Variants in ACTN1 observed in about 807,000 individuals in gnomAD.
ACTN1 encodes the protein actinin alpha 1, also known as alpha-actinin-1.
A neutral mutation model predicts 119.6 loss-of-function variants in ACTN1; 30 were observed. That is an observed-to-expected ratio of 0.25 (90% CI 0.19 to 0.34). ACTN1 has a LOEUF of 0.34. Among genes scored for constraint, ACTN1 ranks in the 10% least tolerant of loss-of-function variants. The pLI is 1.00. For missense variants in ACTN1, 764 were observed against 1,223.4 expected, an observed-to-expected ratio of 0.62 and a Z score of 5.60; for synonymous variants, 429 against 472.6, an observed-to-expected ratio of 0.91 and a Z score of 1.20.
intron 8 of ACTN1, among the ~76,000 whole-genome samples, chr14:68,897,276 G>A (rs1026114832): frequency 1.6e-4 from 24 of 152,126 alleles, no homozygotes; most frequent in Non-Finnish European, 2.1e-4. Flanking sequence ...GAGCCTCTGC[G>A]CCCAACCTGA....
Position 68,874,893 on chromosome 14 carries a change from A to T in ACTN1, c.2711T>A (p.Phe904Tyr), listed in dbSNP as rs1173609367. Residue 904 changes from phenylalanine (F) to tyrosine (Y), a missense_variant, in exon 22 of 22, where the codon TTC becomes TAC. By Grantham distance (22) the Phe-to-Tyr change is conservative (BLOSUM62 3). Around this residue, in one of 4 missense-constraint regions of ACTN1, gnomAD observed 102 missense variants for 78.2 expected, o/e 1.30. Transcript: ENST00000394419. The part of the protein sequence containing the change: ...SVPGALDYMS[F>Y]STALYGESDL ...ACTCTCGCCGTACAGCGCCGTGGAGAAGGACATGTAGTCCAGAGCACCTGG... is the reference window on the plus strand; with the variant it reads ...ACTCTCGCCGTACAGCGCCGTGGAGTAGGACATGTAGTCCAGAGCACCTGG... The T allele has an allele frequency of 4.4e-6, 7 of 1,604,000 alleles. No homozygotes were observed. Among genetic ancestry groups the T allele is most frequent in the Non-Finnish European group, 6.0e-6 (7 of 1,172,002 alleles).
At chr14:68,907,432 C>T (rs943804138) in intron 6 of ACTN1, among the ~76,000 whole-genome samples, 7 of 142,038 alleles carry the variant, frequency 4.9e-5, no homozygotes, top group African/African-American at 1.6e-4. Context: ...GGCGTGCTGG[C>T]GTGCGCCTGT....
intron 1 of ACTN1, among the ~76,000 whole-genome samples, chr14:68,969,602 T>C (rs2036815008): frequency 6.6e-6 from 1 of 152,232 alleles, no homozygotes; most frequent in East Asian, 1.9e-4. Context: ...GAGAGACACA[T>C]GCAGCCAAAC....
At chr14:68,898,557 C>T (rs2033042042) in intron 8 of ACTN1, among the ~76,000 whole-genome samples, 1 of 152,084 alleles carries the variant, frequency 6.6e-6, no homozygotes, top group African/African-American at 2.4e-5. Flanking sequence ...TCGGTGCCAG[C>T]CCGGAGACAG....
Position 68,884,149 on chromosome 14 carries a change from G to A in ACTN1, c.1635+19C>T. 1.2e-6 allele frequency: 2 copies of A among 1,604,616 alleles called. No homozygotes were observed. The highest frequency in any genetic ancestry group is 1.1e-5 in the South Asian group (1 of 90,422). On this transcript the variant is annotated intron_variant, in intron 14 of 21. Transcript: ENST00000394419. ...GGCCCCAGGGGAGCCAGCCTCCGGG[G>A]AGTGGAGGTGGGGCTCACCTGGATC... is the stretch of plus-strand genomic sequence containing the variant.
At chr14:68,891,977 A>C in intron 10 of ACTN1, 76 bp downstream of exon 10, 1 of 1,554,078 alleles carries the variant, frequency 6.4e-7, no homozygotes, top group Non-Finnish European at 8.7e-7. Flanking sequence ...ATAAAGCTGA[A>C]TTTGACCACA....
At chr14:68,923,104 G>A (rs2034737932) in intron 2 of ACTN1, among the ~76,000 whole-genome samples, 1 of 152,218 alleles carries the variant, frequency 6.6e-6, no homozygotes. Context: ...GGAACACACT[G>A]GGTATCATGA....
At chr14:68,932,302 T>G (rs2035256828) in intron 1 of ACTN1, among the ~76,000 whole-genome samples, 2 of 151,678 alleles carry the variant, frequency 1.3e-5, no homozygotes, top group Non-Finnish European at 2.9e-5. Flanking sequence ...CTCTCTCCCG[T>G]GCTGGATGCC....
In ACTN1 at chr14:68,953,070, C is replaced by T. The variant is rs538327579; in HGVS notation, c.105+25882G>A. Among the ~76,000 whole-genome samples the T allele has an allele frequency of 2.6e-5, 4 of 152,284 alleles. No homozygotes were observed. In the East Asian group the frequency reaches 7.7e-4, roughly 29 times the overall value. The stretch of plus-strand genomic sequence containing the variant: ...ACAGGGAGTCAGCCTGCGCACCCAC[C>T]CCTGTCCCCAGGGGACTCTGGAGAT... On this transcript the variant is annotated intron_variant, in intron 1 of 21. Coordinates refer to ENST00000394419, the MANE Select transcript of ACTN1 (RefSeq NM_001130004.2).
At chr14:68,964,202 C>T (rs2036628884) in intron 1 of ACTN1, among the ~76,000 whole-genome samples, 1 of 152,182 alleles carries the variant, frequency 6.6e-6, no homozygotes, top group Non-Finnish European at 1.5e-5. Flanking sequence ...CACTTGAAGG[C>T]CCCCATGCAC....
At chr14:68,949,068 T>C (rs919417163) in intron 1 of ACTN1, among the ~76,000 whole-genome samples, 2 of 152,166 alleles carry the variant, frequency 1.3e-5, no homozygotes, top group African/African-American at 4.8e-5. Context: ...AATAGAATTT[T>C]CCTCCAAAGG....
At chr14:68,978,779 C>T in intron 1 of ACTN1, 173 bp downstream of exon 1, 1 of 431,902 alleles carries the variant, frequency 2.3e-6, no homozygotes, top group Non-Finnish European at 4.0e-6. Context: ...CTCCCGCTTC[C>T]GCCAGGCGCC....
chr14:68,967,563 T>C (rs2036746378), intron 1 of ACTN1, among the ~76,000 whole-genome samples: 1 of 152,174 alleles, frequency 6.6e-6, no homozygotes, highest in South Asian at 2.1e-4. Flanking sequence ...TAAATGTCTT[T>C]AGAGAGGAGT....
At position 68,890,147 on chromosome 14, in the gene ACTN1, C is replaced by G. The variant is rs1350448504; in HGVS notation, c.1226G>C (p.Trp409Ser). 6.2e-7 allele frequency: 1 copy of G among 1,613,334 alleles called. No homozygotes were observed. Among genetic ancestry groups the G allele is most frequent in the Non-Finnish European group, 8.5e-7 (1 of 1,179,758 alleles). ...GGCTGGGCTGGCCTCACCGTCAGTCCAGGCCTCGTGGATGGAGGCCTTCTG... is the reference window on the plus strand; with the variant it reads ...GGCTGGGCTGGCCTCACCGTCAGTCGAGGCCTCGTGGATGGAGGCCTTCTG... ...FRQKASIHEA[W>S]TDGKEAMLRQ... The change falls in exon 11 of 22, where the codon TGG (tryptophan) becomes TCG (serine). Residue 409 changes from tryptophan (W) to serine (S), a missense_variant. By Grantham distance (177) the Trp-to-Ser change is radical. Around this residue, in one of 4 missense-constraint regions of ACTN1, gnomAD observed 544 missense variants for 912.0 expected, o/e 0.60. Coordinates refer to ENST00000394419, the MANE Select transcript of ACTN1 (RefSeq NM_001130004.2).
At chr14:68,950,462 G>GTGTGTATATATGTGTATATATATA in intron 1 of ACTN1, among the ~76,000 whole-genome samples, 20 of 125,904 alleles carry the variant, frequency 1.6e-4, no homozygotes, top group African/African-American at 7.0e-4. Context: ...ATGCGTGTGT[G>GTGTGTATATATGTGTATATATATA]TATATATATA....
Position 68,891,966 on chromosome 14 carries a change from C to T in ACTN1, c.1086+87G>A, listed in dbSNP as rs547213540. The T allele has an allele frequency of 1.0e-4, 153 of 1,515,240 alleles. 3 individuals carry two copies. In the South Asian group the frequency reaches 1.6e-3, roughly 16 times the overall value. 93.9% of individuals were successfully genotyped at this position (1,515,240 alleles called of 1,614,324 possible). A position where few individuals can be genotyped will look rare whatever the true frequency, so the allele number is the denominator to read the frequency against. On this transcript the variant is annotated intron_variant, in intron 10 of 21. Coordinates refer to ENST00000394419, the MANE Select transcript of ACTN1 (RefSeq NM_001130004.2). Reference sequence around the variant, plus strand: ...AAGCAAACACGCCCATCCGCACCCCCATAAAGCTGAATTTGACCACAACTA... The same window carrying T: ...AAGCAAACACGCCCATCCGCACCCCTATAAAGCTGAATTTGACCACAACTA...
intron 1 of ACTN1, among the ~76,000 whole-genome samples, chr14:68,964,529 T>C (rs1330848970): frequency 6.6e-6 from 1 of 152,124 alleles, no homozygotes; most frequent in African/African-American, 2.4e-5. Flanking sequence ...CCAGAAGGAA[T>C]GAGCTAGCAG....
intron 1 of ACTN1, among the ~76,000 whole-genome samples, chr14:68,968,918 A>G (rs1260907612): frequency 2.6e-5 from 4 of 152,264 alleles, no homozygotes; most frequent in Non-Finnish European, 4.4e-5. Flanking sequence ...CCATATTCCC[A>G]GAACAGTCCC....
At chr14:68,901,207 GTTTT>G (rs60666140) in intron 8 of ACTN1, among the ~76,000 whole-genome samples, 5 of 136,176 alleles carry the variant, frequency 3.7e-5, no homozygotes, top group Middle Eastern at 7.4e-3. Context: ...TTGTTTTATG[GTTTT>G]TTTTTGTTTT....
Sources: allele counts gnomAD v4.1 joint callset (sites outside exome capture counted in the v4.1 genomes callset), GRCh38; gene constraint gnomAD v4.1.1; regional missense constraint gnomAD v4.1.1; transcripts MANE v1.5; gene names NCBI Gene and HGNC (gene_info 2026-07-23, HGNC 2026-07-21).